The following CERT1 variants were observed in gnomAD, a reference collection of about 807,000 sequenced individuals.
CERT1 encodes ceramide transfer protein.
A neutral mutation model predicts 87.9 loss-of-function variants in CERT1; 31 were observed. That is an observed-to-expected ratio of 0.35 (90% CI 0.27 to 0.48). The LOEUF (loss-of-function observed/expected upper bound fraction) is 0.48, where lower values mean the gene tolerates loss of function less well. CERT1 is among the 20% of genes least tolerant of loss of function. The probability of loss-of-function intolerance (pLI) is 0.99; values close to 1 mark genes in which losing one functional copy is unlikely to be tolerated. For missense variants in CERT1, 487 were observed against 758.0 expected (o/e 0.64, Z 4.20); for synonymous variants, 289 against 250.9 (o/e 1.15, Z -1.44).
At chr5:75,379,598 T>G (rs78612138) in intron 16 of CERT1, 125 bp from the exon 17 acceptor site, 1 of 908,682 alleles carries the variant, frequency 1.1e-6, no homozygotes, top group South Asian at 1.8e-5. Flanking sequence ...CTTTTTTTTT[T>G]CTTTTTGAGA....
At chr5:75,495,375 G>A (rs1430125260) in intron 2 of CERT1, among the ~76,000 whole-genome samples, 1 of 152,042 alleles carries the variant, frequency 6.6e-6, no homozygotes, top group African/African-American at 2.4e-5. Flanking sequence ...TGAGCAACAT[G>A]GTCAAACCCC....
At chr5:75,406,815 T>C (rs1762724588) in intron 8 of CERT1, among the ~76,000 whole-genome samples, 1 of 152,078 alleles carries the variant, frequency 6.6e-6, no homozygotes, top group Admixed American at 6.6e-5. Context: ...AAAGTGTTGG[T>C]ATTACAGATG....
chr5:75,375,870 G>A (rs892225515), downstream of CERT1: 5 of 149,192 alleles, frequency 3.4e-5, no homozygotes, highest in Non-Finnish European at 5.9e-5. Context: ...AAAAAGTTAC[G>A]TTACAGTAAC....
intron 8 of CERT1, 67 bp from the exon 9 acceptor site, chr5:75,403,125 G>T: frequency 9.7e-7 from 1 of 1,033,832 alleles, no homozygotes; most frequent in Non-Finnish European, 1.5e-6. Context: ...GATAACTCTG[G>T]TATTAACTTG....
chr5:75,503,915 A>AAATT (rs1218241625), intron 2 of CERT1, among the ~76,000 whole-genome samples: 70 of 150,180 alleles, frequency 4.7e-4, no homozygotes, highest in African/African-American at 6.3e-4. Context: ...TGTTTAATTT[A>AAATT]AAATTTTCTT....
At chr5:75,399,951 T>C (rs558276196) in intron 10 of CERT1, among the ~76,000 whole-genome samples, 3 of 152,144 alleles carry the variant, frequency 2.0e-5, no homozygotes, top group Non-Finnish European at 2.9e-5. Flanking sequence ...ATCCTGGCCA[T>C]GGTGAAACTG....
chr5:75,462,599 T>A (rs1056712682), intron 2 of CERT1, among the ~76,000 whole-genome samples: 1 of 151,704 alleles, frequency 6.6e-6, no homozygotes, highest in African/African-American at 2.4e-5. Flanking sequence ...AAAAAAAGAC[T>A]AAAAAGTTTA....
At chr5:75,426,300 G>T in intron 4 of CERT1, 71 bp downstream of exon 4, 1 of 1,063,878 alleles carries the variant, frequency 9.4e-7, no homozygotes, top group Non-Finnish European at 1.5e-6. Flanking sequence ...TATCACATAT[G>T]TTCTGTTCAC....
At chr5:75,371,857 AAAT>A (rs1761095792) in intron 17 of CERT1, 1 of 152,214 alleles carries the variant, frequency 6.6e-6, no homozygotes, top group Non-Finnish European at 1.5e-5. Context: ...AGCTTAATGA[AAAT>A]AATTGTAGAG....
At chr5:75,450,331 TTAAAACAGAGA>T (rs1420617606) in intron 3 of CERT1, among the ~76,000 whole-genome samples, 2 of 152,122 alleles carry the variant, frequency 1.3e-5, no homozygotes, top group Non-Finnish European at 2.9e-5. Context: ...AGCATTAACA[TTAAAACAGAGA>T]TTCTAAGACT....
Position 75,460,832 on chromosome 5 carries a change from A to G in CERT1, c.232-1651T>C, listed in dbSNP as rs1300186735. On this transcript the variant is annotated intron_variant, in intron 2 of 16. Transcript: ENST00000643780. ...TCTTTAGGCTATGAAACAACTTAAG[A>G]TAAGAAATCATGGTTCTGACTGATT... is the stretch of plus-strand genomic sequence containing the variant. Among the ~76,000 whole-genome samples, 6 of 152,312 alleles carry G rather than the reference A, an allele frequency of 3.9e-5. No individual in the cohort carries two copies. In the South Asian group the frequency reaches 1.2e-3, roughly 32 times the overall value.
intron 2 of CERT1, among the ~76,000 whole-genome samples, chr5:75,464,399 A>G (rs1270963461): frequency 6.6e-6 from 1 of 152,188 alleles, no homozygotes; most frequent in Non-Finnish European, 1.5e-5. Flanking sequence ...CCCTCTGGAC[A>G]GACTAAATCA....
downstream of CERT1, chr5:75,372,873 A>G (rs1761133266): frequency 6.6e-6 from 1 of 152,342 alleles, no homozygotes; most frequent in Admixed American, 6.5e-5. Context: ...AGAGCTGAAC[A>G]AGTCAGCAAA....
chr5:75,425,290 A>G, intron 5 of CERT1, 71 bp downstream of exon 5: 1 of 1,439,608 alleles, frequency 6.9e-7, no homozygotes, highest in Non-Finnish European at 9.6e-7. Flanking sequence ...TAAAGACATT[A>G]CCCTTTGAGA....
chr5:75,469,081 C>T (rs979905519), intron 2 of CERT1, among the ~76,000 whole-genome samples: 60 of 151,556 alleles, frequency 4.0e-4, no homozygotes, highest in African/African-American at 1.4e-3. Flanking sequence ...AGGAAAATAG[C>T]AAATGACAAG....
intron 12 of CERT1, among the ~76,000 whole-genome samples, chr5:75,388,360 G>T (rs1360250308): frequency 6.6e-6 from 1 of 151,768 alleles, no homozygotes; most frequent in Non-Finnish European, 1.5e-5. Flanking sequence ...AAAAAATCCT[G>T]ACTAAAAAGT....
chr5:75,470,058 A>C (rs1765641278), intron 2 of CERT1, among the ~76,000 whole-genome samples: 1 of 152,166 alleles, frequency 6.6e-6, no homozygotes, highest in South Asian at 2.1e-4. Context: ...TAAATATATA[A>C]AGCATATATT....
At chr5:75,496,984 T>TA (rs1255693748) in intron 2 of CERT1, among the ~76,000 whole-genome samples, 3 of 151,662 alleles carry the variant, frequency 2.0e-5, no homozygotes, top group East Asian at 1.9e-4. Context: ...ATCTTTTTTT[T>TA]AAAAAAAGAC....
Position 75,425,405 on chromosome 5 carries a change from G to A in CERT1, c.551C>T (p.Ala184Val), listed in dbSNP as rs1159708754. Residue 184 changes from alanine to valine, a missense_variant, in exon 5 of 17, where the codon GCC becomes GTC. Physicochemically the swap from Ala to Val is moderately conservative, Grantham distance 64 (BLOSUM62 0). This residue lies in a region of CERT1 where 173 missense variants were observed against 302.2 expected (regional missense o/e 0.57). Transcript: ENST00000643780. ...QVDTLQKYFDACADAVSKDEL... is the reference protein window; with the variant it reads ...QVDTLQKYFDVCADAVSKDEL... ...ATCCTTAGAGACAGCATCAGCACAG[G>A]CATCAAAGTACTTCTGTAGCGTGTC... 6.2e-7 allele frequency: 1 copy of A among 1,613,842 alleles called. No homozygotes were observed. Among genetic ancestry groups the A allele is most frequent in the Admixed American group, 1.7e-5 (1 of 60,002 alleles).
Sources: allele counts gnomAD v4.1 joint callset (sites outside exome capture counted in the v4.1 genomes callset), GRCh38; gene constraint gnomAD v4.1.1; regional missense constraint gnomAD v4.1.1; transcripts MANE v1.5; gene names NCBI Gene and HGNC (gene_info 2026-07-23, HGNC 2026-07-21).